DUSP22: variants seen among roughly 807,000 people sequenced by gnomAD.
DUSP22 encodes dual specificity phosphatase 22, also known as dual specificity protein phosphatase 22.
DUSP22 carries 24 observed loss-of-function variants against 24.5 expected under a neutral mutation model. That is an observed-to-expected ratio of 0.98 (90% CI 0.71 to 1.38). DUSP22 has a LOEUF of 1.38. DUSP22 is among the 40% of genes most tolerant of loss of function. The probability of loss-of-function intolerance (pLI) is 0.00; values close to 1 mark genes in which losing one functional copy is unlikely to be tolerated. For synonymous variants in DUSP22, 160 were observed against 106.4 expected, an observed-to-expected ratio of 1.50 and a Z score of -3.10; for missense variants, 330 against 269.2, an observed-to-expected ratio of 1.23 and a Z score of -1.58.
intron 2 of DUSP22, among the ~76,000 whole-genome samples, chr6:310,601 T>C (rs1173492987): frequency 6.6e-6 from 1 of 152,310 alleles, no homozygotes; most frequent in African/African-American, 2.4e-5. Flanking sequence ...CACAGTCCTG[T>C]CTGAATCCAG....
intron 2 of DUSP22, 113 bp from the exon 3 acceptor site, chr6:311,767 C>G (rs937054609): frequency 5.9e-6 from 7 of 1,183,658 alleles, no homozygotes; most frequent in African/African-American, 1.5e-5. Flanking sequence ...TATGAAGTTT[C>G]AGGAAAGAAA....
chr6:331,852 T>C (rs1451740031), intron 3 of DUSP22, among the ~76,000 whole-genome samples: 1 of 152,300 alleles, frequency 6.6e-6, no homozygotes, highest in African/African-American at 2.4e-5. Flanking sequence ...TTTGACTCCT[T>C]CCTTGACTGA....
intron 4 of DUSP22, among the ~76,000 whole-genome samples, chr6:344,817 T>G (rs1470511141): frequency 6.6e-6 from 1 of 152,284 alleles, no homozygotes; most frequent in Non-Finnish European, 1.5e-5. Context: ...GAGAGAATGC[T>G]TTTAGATTTT....
intron 4 of DUSP22, among the ~76,000 whole-genome samples, chr6:341,828 A>G (rs1724651115): frequency 6.6e-6 from 1 of 152,278 alleles, no homozygotes; most frequent in Admixed American, 6.5e-5. Flanking sequence ...CCTCTCCATA[A>G]CCTCCTCAGC....
chr6:313,179 T>A (rs1758186701), intron 3 of DUSP22, among the ~76,000 whole-genome samples: 1 of 152,306 alleles, frequency 6.6e-6, no homozygotes, highest in African/African-American at 2.4e-5. Context: ...CATGATTGAC[T>A]TCCTCTTAAA....
chr6:292,512 G>T lies in DUSP22; in HGVS notation c.-28G>T, dbSNP rs767633317. On this transcript the variant is annotated 5_prime_UTR_variant, in exon 1 of 7. Transcript: ENST00000419235. ...ATAGTGCGCCTGCGACCACACGGCC[G>T]GGGCGCTAGCGTTCGCCTTCAGCCA... 2.7e-5 allele frequency: 43 copies of T among 1,604,408 alleles called. No individual in the cohort carries two copies. Among genetic ancestry groups the T allele is most frequent in the Middle Eastern group, 1.6e-4 (1 of 6,064 alleles).
rs560750517 is a variant in DUSP22 at position 349,702 on chromosome 6, G to T, written c.*751G>T. 26 of 986,070 alleles carry T rather than the reference G, an allele frequency of 2.6e-5. No individual in the cohort carries two copies. The East Asian group carries it at 2.7e-3, about 103-fold the overall frequency. 61.1% of individuals were successfully genotyped at this position (986,070 alleles called of 1,614,324 possible). ...CTCAGCATTTAAGGGAAGTATCTTA[G>T]ATTGCCTCCATCTCAATGTGAATGC... On this transcript the variant is annotated 3_prime_UTR_variant, in exon 7 of 7. Transcript: ENST00000419235.
At chr6:310,102 A>G (rs1254608446) in intron 2 of DUSP22, among the ~76,000 whole-genome samples, 2 of 152,296 alleles carry the variant, frequency 1.3e-5, no homozygotes, top group African/African-American at 4.8e-5. Context: ...TGGGGTTTAC[A>G]GGTGCACACC....
chr6:335,047 T>G (rs1007121242), intron 3 of DUSP22, 67 bp from the exon 4 acceptor site: 4 of 1,555,816 alleles, frequency 2.6e-6, no homozygotes, highest in Non-Finnish European at 2.6e-6. Context: ...AAATAGTTCC[T>G]TAAATACTTT....
At chr6:301,172 C>T (rs1412834670) in intron 1 of DUSP22, among the ~76,000 whole-genome samples, 4 of 152,408 alleles carry the variant, frequency 2.6e-5, no homozygotes, top group South Asian at 4.1e-4. Flanking sequence ...AGGGTATCCC[C>T]AAACCTAGGA....
chr6:315,688 T>C (rs1758309715), intron 3 of DUSP22, among the ~76,000 whole-genome samples: 2 of 152,310 alleles, frequency 1.3e-5, no homozygotes, highest in African/African-American at 4.8e-5. Flanking sequence ...TTTGCTGTTA[T>C]TTGCTGCAAA....
At chr6:294,401 A>G (rs1229722960) in intron 1 of DUSP22, among the ~76,000 whole-genome samples, 1 of 152,294 alleles carries the variant, frequency 6.6e-6, no homozygotes, top group Non-Finnish European at 1.5e-5. Flanking sequence ...AAGATTCTTC[A>G]CAGAACCTTC....
Position 326,703 on chromosome 6 carries a change from G to A in DUSP22, c.139-8411G>A, listed in dbSNP as rs1000528590. 6.6e-5 allele frequency among the ~76,000 whole-genome samples: 10 copies of A among 152,420 alleles called. No homozygotes were observed. The South Asian group carries it at 1.4e-3, about 22-fold the overall frequency. ...ATTTATTGAGCATCTACTGTGTTCTGGCACTGCACTTAGTATTTTTCACAT... is the reference window on the plus strand; with the variant it reads ...ATTTATTGAGCATCTACTGTGTTCTAGCACTGCACTTAGTATTTTTCACAT... On this transcript the variant is annotated intron_variant, in intron 3 of 6. Transcript: ENST00000419235.
chr6:322,034 G>T (rs887387845), intron 3 of DUSP22, among the ~76,000 whole-genome samples: 1 of 152,300 alleles, frequency 6.6e-6, no homozygotes, highest in African/African-American at 2.4e-5. Flanking sequence ...GTGAAGATTT[G>T]GGCATCACAG....
At chr6:340,407 T>C (rs530192377) in intron 4 of DUSP22, among the ~76,000 whole-genome samples, 62 of 152,398 alleles carry the variant, frequency 4.1e-4, no homozygotes, top group South Asian at 1.0e-3. Flanking sequence ...GGCCTGTGGG[T>C]TGGGGGCCGT....
At chr6:334,718 A>G (rs866974260) in intron 3 of DUSP22, among the ~76,000 whole-genome samples, 51 of 152,302 alleles carry the variant, frequency 3.3e-4, no homozygotes, top group African/African-American at 1.2e-3. Context: ...GTTTTTACTT[A>G]CGAACAGTGC....
At chr6:317,687 A>G (rs529493476) in intron 3 of DUSP22, among the ~76,000 whole-genome samples, 6 of 152,426 alleles carry the variant, frequency 3.9e-5, no homozygotes, top group South Asian at 4.1e-4. Flanking sequence ...CATGGCCCAC[A>G]TCGGGCTCCT....
chr6:299,701 T>C (rs1359474878), intron 1 of DUSP22, among the ~76,000 whole-genome samples: 1 of 152,308 alleles, frequency 6.6e-6, no homozygotes, highest in Non-Finnish European at 1.5e-5. Context: ...TGTAAAATAC[T>C]CATCTTCAAT....
At chr6:308,574 G>A (rs1204214366) in intron 2 of DUSP22, among the ~76,000 whole-genome samples, 9 of 152,290 alleles carry the variant, frequency 5.9e-5, no homozygotes, top group Non-Finnish European at 8.8e-5. Context: ...AGCCGGCAGT[G>A]GGCTGTCGTG....
Sources: gnomAD v4.1 joint callset for allele counts (sites outside exome capture counted in the v4.1 genomes callset) on GRCh38, gnomAD v4.1.1 for gene constraint, MANE v1.5 for transcripts, NCBI Gene and HGNC (gene_info 2026-07-23, HGNC 2026-07-21) for gene names.